The following DDX60L variants were observed in gnomAD, a reference collection of about 807,000 sequenced individuals.
DDX60L encodes probable ATP-dependent RNA helicase DDX60-like.
In DDX60L, 191 loss-of-function variants were observed where a neutral mutation model predicts 211.6. The observed-to-expected ratio is 0.90, with a 90% CI of 0.80 to 1.02. The LOEUF (loss-of-function observed/expected upper bound fraction) is 1.02. DDX60L is among the 50% of genes least tolerant of loss of function. The pLI, the probability that DDX60L is intolerant of heterozygous loss-of-function variation, is 0.00. For synonymous variants in DDX60L, 706 were observed against 694.1 expected (o/e 1.02, Z -0.27); for missense variants, 2,007 against 1,984.1 (o/e 1.01, Z -0.22).
intron 9 of DDX60L, 36 bp from the exon 10 acceptor site, chr4:168,441,528 TC>T: frequency 3.9e-6 from 6 of 1,534,896 alleles, no homozygotes; most frequent in Non-Finnish European, 5.3e-6. Flanking sequence ...ATCTCAAAAG[TC>T]ATACACATGC....
chr4:168,449,338 C>G (rs1032215235), intron 8 of DDX60L, among the ~76,000 whole-genome samples: 1 of 149,394 alleles, frequency 6.7e-6, no homozygotes, highest in Non-Finnish European at 1.5e-5. Flanking sequence ...AATTGGAAAC[C>G]ATCATTCTCA....
At chr4:168,431,579 C>T (rs1238626272) in intron 12 of DDX60L, among the ~76,000 whole-genome samples, 2 of 150,356 alleles carry the variant, frequency 1.3e-5, no homozygotes, top group Admixed American at 6.6e-5. Context: ...GGAGGGATAG[C>T]ATTAAGAGAT....
intron 8 of DDX60L, 130 bp downstream of exon 8, chr4:168,452,994 G>T: frequency 1.0e-6 from 1 of 971,934 alleles, no homozygotes; most frequent in South Asian, 2.1e-5. Context: ...AAAAATAAAA[G>T]TTGTTGAAAA....
chr4:168,376,649 G>A (rs1190444918), intron 33 of DDX60L, among the ~76,000 whole-genome samples: 1 of 152,226 alleles, frequency 6.6e-6, no homozygotes. Flanking sequence ...TGGTCAAAGT[G>A]ATATGGTCTC....
chr4:168,457,259 C>CATATAT (rs147907092), intron 6 of DDX60L, among the ~76,000 whole-genome samples: 5 of 109,384 alleles, frequency 4.6e-5, no homozygotes, highest in Non-Finnish European at 6.4e-5. Flanking sequence ...ATATAAACTA[C>CATATAT]ATACACACAC....
At chr4:168,368,594 C>T (rs1018180414) in intron 36 of DDX60L, among the ~76,000 whole-genome samples, 2 of 152,198 alleles carry the variant, frequency 1.3e-5, no homozygotes, top group African/African-American at 4.8e-5. Context: ...GGCCACTATC[C>T]TCTGTACCCC....
intron 10 of DDX60L, among the ~76,000 whole-genome samples, chr4:168,433,908 AC>A (rs1460888220): frequency 6.6e-6 from 1 of 152,210 alleles, no homozygotes; most frequent in Non-Finnish European, 1.5e-5. Context: ...TTGTACTTAT[AC>A]TAGTTACACT....
At chr4:168,459,425 T>A (rs1757004984) in intron 5 of DDX60L, among the ~76,000 whole-genome samples, 1 of 152,038 alleles carries the variant, frequency 6.6e-6, no homozygotes, top group Non-Finnish European at 1.5e-5. Flanking sequence ...AAATAGAGAC[T>A]TACTGGTAAC....
At chr4:168,470,388 G>T (rs944503068) in intron 4 of DDX60L, 2 of 152,210 alleles carry the variant, frequency 1.3e-5, no homozygotes, top group Admixed American at 6.5e-5. Flanking sequence ...GAAAGAGATT[G>T]CTCAACAGGA....
intron 9 of DDX60L, among the ~76,000 whole-genome samples, chr4:168,442,827 G>C (rs1350897464): frequency 6.6e-6 from 1 of 151,326 alleles, no homozygotes; most frequent in African/African-American, 2.4e-5. Flanking sequence ...CTCTCTGTTA[G>C]AAGGAAAACT....
At chr4:168,362,027 A>T (rs1238636352) in intron 36 of DDX60L, among the ~76,000 whole-genome samples, 1 of 152,242 alleles carries the variant, frequency 6.6e-6, no homozygotes, top group East Asian at 1.9e-4. Context: ...GAAAAGGCAG[A>T]CATGCACAGC....
rs753804788 is a variant in DDX60L at position 168,416,222 on chromosome 4, G to C, written c.2727-423C>G. On this transcript the variant is annotated intron_variant, in intron 20 of 37. Coordinates refer to ENST00000682922, the MANE Select transcript of DDX60L (RefSeq NM_001012967.3). ...TGTCATCTGCAAGGTCAATGACTGT[G>C]TCCCAGTTATTTCCATTTTAGCTTT... Among the ~76,000 whole-genome samples the C allele has an allele frequency of 1.2e-3, 180 of 152,288 alleles. 3 individuals carry two copies. The highest frequency in any genetic ancestry group is 2.1e-3 in the African/African-American group (88 of 41,540).
At position 168,378,459 on chromosome 4, in the gene DDX60L, G is replaced by A; in HGVS notation, c.4380C>T (p.Ser1460=). 1.3e-6 allele frequency: 2 copies of A among 1,570,252 alleles called. No individual in the cohort carries two copies. Among genetic ancestry groups the A allele is most frequent in the African/African-American group, 1.4e-5 (1 of 73,490 alleles). The change falls in exon 33 of 38, where the codon TCC becomes TCT. Residue 1460 remains serine (S), a synonymous_variant. Coordinates refer to ENST00000682922, the MANE Select transcript of DDX60L (RefSeq NM_001012967.3). The part of the protein sequence containing the change: ...KPAWKGSQQF[S]QDVMEKLVLV... ...ACACGAGCTTTTCCATCACATCTTG[G>A]GAAAATTGTTGTGAGCCTATTGAAA...
intron 18 of DDX60L, among the ~76,000 whole-genome samples, chr4:168,419,991 A>G (rs1359061195): frequency 6.6e-6 from 1 of 152,244 alleles, no homozygotes; most frequent in Non-Finnish European, 1.5e-5. Context: ...TGTCAAATCT[A>G]CTTGACTCCC....
chr4:168,395,510 C>T (rs1019644428), intron 27 of DDX60L, among the ~76,000 whole-genome samples: 1 of 152,218 alleles, frequency 6.6e-6, no homozygotes, highest in East Asian at 1.9e-4. Flanking sequence ...ACATAAATTA[C>T]TTGCATAATA....
rs142098469 is a variant in DDX60L at position 168,377,080 on chromosome 4, CAGG to C, written c.4485+1271_4485+1273del. Among the ~76,000 whole-genome samples the C allele has an allele frequency of 3.2e-3, 491 of 152,230 alleles. 2 individuals carry two copies. Among genetic ancestry groups the C allele is most frequent in the African/African-American group, 0.011 (454 of 41,550 alleles). ...CCAAGGCGGGCGCATCACTTGAGGTCAGGAGTTTAAAACCAACCTGGCCAACCT... is the reference window on the plus strand; with the variant it reads ...CCAAGGCGGGCGCATCACTTGAGGTCAGTTTAAAACCAACCTGGCCAACCT... On this transcript the variant is annotated intron_variant, in intron 33 of 37. Transcript: ENST00000682922.
chr4:168,454,856 C>A (rs1271470465), intron 7 of DDX60L, among the ~76,000 whole-genome samples: 1 of 143,818 alleles, frequency 7.0e-6, no homozygotes, highest in Non-Finnish European at 1.5e-5. Flanking sequence ...GAGTTTGGTT[C>A]CAGAAATCCT....
Position 168,394,595 on chromosome 4 carries a change from C to T in DDX60L, c.3680G>A (p.Arg1227Gln), listed in dbSNP as rs761718564. Residue 1227 changes from arginine (R) to glutamine (Q), a missense_variant, in exon 28 of 38, where the codon CGA becomes CAA. By Grantham distance (43) the Arg-to-Gln change is conservative. Transcript: ENST00000682922. ...TTTGCCGTGTCTTGTAAATCGCACTCGCGGTAATACCCTCTCCAAAGTCTA... is the reference window on the plus strand; with the variant it reads ...TTTGCCGTGTCTTGTAAATCGCACTTGCGGTAATACCCTCTCCAAAGTCTA... ...KDSTLERVLP[R>Q]VRFTRHGKEL... 18 of 1,610,272 alleles carry T rather than the reference C, an allele frequency of 1.1e-5. No homozygotes were observed. The highest frequency in any genetic ancestry group is 2.2e-5 in the South Asian group (2 of 89,870).
intron 22 of DDX60L, among the ~76,000 whole-genome samples, chr4:168,408,367 T>C (rs529729877): frequency 6.6e-6 from 1 of 152,316 alleles, no homozygotes; most frequent in Admixed American, 6.5e-5. Context: ...CCATCCATCA[T>C]AGTGACTGAT....
Sources: gnomAD v4.1 joint callset for allele counts (sites outside exome capture counted in the v4.1 genomes callset) on GRCh38, gnomAD v4.1.1 for gene constraint, MANE v1.5 for transcripts, NCBI Gene and HGNC (gene_info 2026-07-23, HGNC 2026-07-21) for gene names.